WDR27: variants seen among roughly 807,000 people sequenced by gnomAD.
WDR27 encodes WD repeat domain 27, also known as WD repeat-containing protein 27.
WDR27 carries 100 observed loss-of-function variants against 114.4 expected under a neutral mutation model. The observed-to-expected ratio is 0.87, with a 90% CI of 0.74 to 1.03. The LOEUF (loss-of-function observed/expected upper bound fraction) is 1.03. Among genes scored for constraint, WDR27 ranks in the 50% least tolerant of loss-of-function variants. WDR27 has a pLI of 0.00. For missense variants in WDR27, 1,129 were observed against 1,092.9 expected (o/e 1.03, Z -0.47); for synonymous variants, 449 against 423.1 (o/e 1.06, Z -0.75).
At chr6:169,638,945 G>A (rs1818428386) in intron 17 of WDR27, among the ~76,000 whole-genome samples, 1 of 152,190 alleles carries the variant, frequency 6.6e-6, no homozygotes, top group African/African-American at 2.4e-5. Flanking sequence ...GTGCAGGTGT[G>A]GGTTTGTTAG....
At chr6:169,660,626 C>G in intron 10 of WDR27, 37 bp downstream of exon 10, 1 of 1,558,316 alleles carries the variant, frequency 6.4e-7, no homozygotes, top group South Asian at 1.1e-5. Context: ...CAAAGGAAAA[C>G]ATTACAGTTA....
At chr6:169,666,802 C>T (rs1198330024) in intron 6 of WDR27, 3 of 1,026,548 alleles carry the variant, frequency 2.9e-6, no homozygotes, top group East Asian at 8.7e-5. Flanking sequence ...CTACCAACAC[C>T]GCTGGTTCTG....
chr6:169,503,397 G>T (rs1395636470), intron 25 of WDR27, among the ~76,000 whole-genome samples: 2 of 152,208 alleles, frequency 1.3e-5, no homozygotes, highest in African/African-American at 4.8e-5. Context: ...TGATACTCCA[G>T]TCAGTGAGAT....
intron 25 of WDR27, among the ~76,000 whole-genome samples, chr6:169,522,930 C>A (rs949958514): frequency 1.3e-5 from 2 of 151,420 alleles, no homozygotes; most frequent in Non-Finnish European, 3.0e-5. Flanking sequence ...ATAAACCAAA[C>A]CCAAAATTAG....
chr6:169,538,143 T>C (rs1462468820), intron 25 of WDR27, among the ~76,000 whole-genome samples: 1 of 152,116 alleles, frequency 6.6e-6, no homozygotes, highest in Non-Finnish European at 1.5e-5. Context: ...GAATATATGT[T>C]TAAAATTTCC....
chr6:169,667,638 C>T (rs1465847255), intron 5 of WDR27, among the ~76,000 whole-genome samples: 1 of 152,152 alleles, frequency 6.6e-6, no homozygotes, highest in African/African-American at 2.4e-5. Flanking sequence ...CATTTTGTGC[C>T]GACTGAACCC....
chr6:169,510,845 T>C (rs1792743083), intron 25 of WDR27, among the ~76,000 whole-genome samples: 1 of 152,192 alleles, frequency 6.6e-6, no homozygotes, highest in Non-Finnish European at 1.5e-5. Context: ...TTCCTCCATT[T>C]TTATCAAACT....
intron 2 of WDR27, among the ~76,000 whole-genome samples, chr6:169,677,204 A>C (rs1421405263): frequency 6.6e-6 from 1 of 152,252 alleles, no homozygotes; most frequent in Non-Finnish European, 1.5e-5. Context: ...ACTGTGACCA[A>C]AACACTGATA....
At chr6:169,657,723 G>A (rs977929920) in intron 13 of WDR27, 3 of 153,042 alleles carry the variant, frequency 2.0e-5, no homozygotes, top group African/African-American at 7.2e-5. Context: ...ATGTGGATTT[G>A]TTTGGCTGCT....
At chr6:169,675,736 A>C (rs1779919119) in intron 2 of WDR27, among the ~76,000 whole-genome samples, 1 of 152,218 alleles carries the variant, frequency 6.6e-6, no homozygotes, top group African/African-American at 2.4e-5. Flanking sequence ...TCAGGTTAAG[A>C]TAAAGGATTG....
rs59134868 is a variant in WDR27 at position 169,612,631 on chromosome 6, T to TAAAAAAAAA, written c.2321+919_2321+927dup. Among the ~76,000 whole-genome samples the TAAAAAAAAA allele has an allele frequency of 7.0e-4, 68 of 96,914 alleles. 1 individual carries two copies. Among genetic ancestry groups the TAAAAAAAAA allele is most frequent in the African/African-American group, 1.9e-3 (47 of 24,104 alleles). 63.6% of individuals were successfully genotyped at this position (96,914 alleles called of 152,430 possible). A position where few individuals can be genotyped will look rare whatever the true frequency, so the allele number is the denominator to read the frequency against. ...TGACAGAGCGAGACTCTGTCTAACA[T>TAAAAAAAAA]AAAAAAAAAAAAAAAAAAAAAAGCA... On this transcript the variant is annotated intron_variant, in intron 22 of 25. Coordinates refer to ENST00000448612, the MANE Select transcript of WDR27 (RefSeq NM_182552.5).
intron 25 of WDR27, among the ~76,000 whole-genome samples, chr6:169,466,222 T>A (rs1785566131): frequency 6.6e-6 from 1 of 152,148 alleles, no homozygotes; most frequent in Non-Finnish European, 1.5e-5. Flanking sequence ...ACACTTTTTT[T>A]GGAGGGAGTC....
intron 1 of WDR27, among the ~76,000 whole-genome samples, chr6:169,700,373 C>T (rs2128321399): frequency 6.6e-6 from 1 of 152,306 alleles, no homozygotes; most frequent in South Asian, 2.1e-4. Context: ...ATCTGGTCAC[C>T]AGAAGAGAGA....
the WDR27 span, among the ~76,000 whole-genome samples, chr6:169,436,520 T>G: frequency 6.6e-6 from 1 of 152,124 alleles, no homozygotes. Context: ...ACACCTGATA[T>G]TCACATGCTG....
intron 25 of WDR27, among the ~76,000 whole-genome samples, chr6:169,555,574 G>T (rs2982399): frequency 0.47 from 71,097 of 151,980 alleles, 20,441 homozygotes; most frequent in Non-Finnish European, 0.65. Context: ...CCAAAACTAT[G>T]GCCATATGAC....
chr6:169,657,707 T>C (rs889832133), intron 13 of WDR27: 1 of 153,130 alleles, frequency 6.5e-6, no homozygotes, highest in African/African-American at 2.4e-5. Flanking sequence ...ATTTGAAAGA[T>C]GCAACATGTG....
chr6:169,562,841 A>AGCTT (rs931889310), intron 25 of WDR27, among the ~76,000 whole-genome samples: 24 of 152,120 alleles, frequency 1.6e-4, no homozygotes, highest in African/African-American at 5.8e-4. Flanking sequence ...ATAGAGGATG[A>AGCTT]GCTTGCAGGA....
At chr6:169,469,787 C>G (rs1356761145) in intron 25 of WDR27, among the ~76,000 whole-genome samples, 1 of 152,236 alleles carries the variant, frequency 6.6e-6, no homozygotes, top group Non-Finnish European at 1.5e-5. Flanking sequence ...TTAGTTTACA[C>G]TGGCAATGTT....
At chr6:169,459,487 A>G (rs1214641133) in intron 25 of WDR27, among the ~76,000 whole-genome samples, 1 of 151,978 alleles carries the variant, frequency 6.6e-6, no homozygotes, top group Non-Finnish European at 1.5e-5. Flanking sequence ...GAGAAGAAAT[A>G]ACAGTTGAAA....
Sources: allele counts gnomAD v4.1 joint callset (sites outside exome capture counted in the v4.1 genomes callset), GRCh38; gene constraint gnomAD v4.1.1; transcripts MANE v1.5; gene names NCBI Gene and HGNC (gene_info 2026-07-23, HGNC 2026-07-21).